Variants in ASCC3 observed in about 807,000 individuals in gnomAD.
The protein encoded by ASCC3 is ASC-1 complex subunit P200.
A neutral mutation model predicts 256.3 loss-of-function variants in ASCC3; 158 were observed. The ratio of observed to expected loss-of-function variants is 0.62; its 90% CI spans 0.54 to 0.70. The LOEUF is 0.70. Among genes scored for constraint, ASCC3 ranks in the 30% least tolerant of loss-of-function variants. The pLI is 0.00. For missense variants in ASCC3, 2,259 were observed against 2,626.0 expected, an observed-to-expected ratio of 0.86 and a Z score of 3.05; for synonymous variants, 948 against 883.4, an observed-to-expected ratio of 1.07 and a Z score of -1.30.
chr6:100,841,769 T>G (rs1345709992), intron 4 of ASCC3, among the ~76,000 whole-genome samples: 3 of 152,104 alleles, frequency 2.0e-5, no homozygotes, highest in African/African-American at 4.8e-5. Flanking sequence ...GCCTATGACT[T>G]TGTTGCCCCA....
intron 10 of ASCC3, among the ~76,000 whole-genome samples, chr6:100,761,642 T>C (rs1003143364): frequency 5.9e-5 from 9 of 152,162 alleles, no homozygotes; most frequent in Non-Finnish European, 2.9e-5. Context: ...AGTTTGGAGA[T>C]TATTGGCCCA....
intron 36 of ASCC3, among the ~76,000 whole-genome samples, chr6:100,585,288 C>A (rs1395431794): frequency 6.6e-6 from 1 of 152,070 alleles, no homozygotes; most frequent in Non-Finnish European, 1.5e-5. Context: ...TCTTTTTATT[C>A]TTTTTTCTCT....
intron 13 of ASCC3, among the ~76,000 whole-genome samples, chr6:100,697,904 G>C (rs1267533601): frequency 6.6e-6 from 1 of 152,046 alleles, no homozygotes; most frequent in Non-Finnish European, 1.5e-5. Context: ...TAGGTCTATG[G>C]CATGCACAAA....
chr6:100,538,853 G>A (rs1775295894), intron 37 of ASCC3, among the ~76,000 whole-genome samples: 1 of 151,654 alleles, frequency 6.6e-6, no homozygotes, highest in African/African-American at 2.4e-5. Flanking sequence ...TTTTAAAAAT[G>A]GGTTTTATGA....
At chr6:100,831,676 A>C (rs977803675) in intron 4 of ASCC3, among the ~76,000 whole-genome samples, 1 of 152,174 alleles carries the variant, frequency 6.6e-6, no homozygotes, top group Non-Finnish European at 1.5e-5. Flanking sequence ...AGGAATGTGA[A>C]GGGGGAAGCT....
chr6:100,799,329 T>C lies in ASCC3; in HGVS notation c.1269+102A>G. 5.5e-6 allele frequency: 7 copies of C among 1,281,724 alleles called. No individual in the cohort carries two copies. The South Asian group carries it at 8.8e-5, about 16-fold the overall frequency. The allele number at this position is 1,281,724 out of a possible 1,614,324, so 79.4% of individuals were successfully genotyped here. Reference sequence around the variant, plus strand: ...CAATACTTTAAAATAAAATTTAGCATAGTCAACTAGTGTTAGACTCACGAA... The same window carrying C: ...CAATACTTTAAAATAAAATTTAGCACAGTCAACTAGTGTTAGACTCACGAA... On this transcript the variant is annotated intron_variant, in intron 7 of 41. Coordinates refer to ENST00000369162, the MANE Select transcript of ASCC3 (RefSeq NM_006828.4).
chr6:100,695,514 C>G (rs575379332), intron 13 of ASCC3, among the ~76,000 whole-genome samples: 2 of 152,122 alleles, frequency 1.3e-5, no homozygotes, highest in Admixed American at 1.3e-4. Flanking sequence ...AAGTGCTAAA[C>G]AGACAGAGAA....
rs1378297468 is a variant in ASCC3 at position 100,510,089 on chromosome 6, C to A, written c.6304G>T (p.Ala2102Ser). The change falls in exon 41 of 42, where the codon GCA (alanine) becomes TCA (serine). Residue 2102 changes from alanine (A) to serine (S), a missense_variant. Ala to Ser is a moderately conservative substitution (Grantham distance 99, BLOSUM62 1). Transcript: ENST00000369162. ...GATTTGGGAAATCGAGGAGTAACTG[C>A]ACAGCTCTCTGGCTTTCCCTGTAAA... ...GFHKGKPESC[A>S]VTPRFPKSKD... 3 of 1,614,026 alleles carry A rather than the reference C, an allele frequency of 1.9e-6. No homozygotes were observed. Among genetic ancestry groups the A allele is most frequent in the Admixed American group, 1.7e-5 (1 of 59,996 alleles).
At chr6:100,797,214 C>T (rs1200807502) in intron 8 of ASCC3, among the ~76,000 whole-genome samples, 6 of 151,902 alleles carry the variant, frequency 3.9e-5, no homozygotes, top group Non-Finnish European at 8.8e-5. Flanking sequence ...CTTTGGGAGG[C>T]CGAGGCGGGT....
chr6:100,852,394 A>T (rs1015950919), intron 3 of ASCC3, among the ~76,000 whole-genome samples: 6 of 152,198 alleles, frequency 3.9e-5, no homozygotes, highest in Non-Finnish European at 5.9e-5. Flanking sequence ...TAAAGTAGAA[A>T]GGTGTTAGTC....
rs1773616669 is a variant in ASCC3 at position 100,508,747 on chromosome 6, C to CTT, written c.*638_*639insAA. ...AGTCAGCTTGTCTTGAAGTGCCACT[C>CTT]TATATTTTATTTCCCAGTTAACCAT... On this transcript the variant is annotated 3_prime_UTR_variant, in exon 42 of 42. Coordinates refer to ENST00000369162, the MANE Select transcript of ASCC3 (RefSeq NM_006828.4). 6.6e-6 allele frequency: 1 copy of CTT among 152,224 alleles called. No individual in the cohort carries two copies. The highest frequency in any genetic ancestry group is 2.4e-5 in the African/African-American group (1 of 41,414). The allele number at this position is 152,224 out of a possible 1,614,324, so 9.4% of individuals were successfully genotyped here.
chr6:100,613,652 T>C (rs1446322686), intron 30 of ASCC3, among the ~76,000 whole-genome samples: 1 of 152,178 alleles, frequency 6.6e-6, no homozygotes. Context: ...AGTGCAGGTA[T>C]CTTTTTGATA....
chr6:100,633,105 G>A (rs115023628), intron 25 of ASCC3, among the ~76,000 whole-genome samples: 2,139 of 152,188 alleles, frequency 0.014, 40 homozygotes, highest in African/African-American at 0.049. Flanking sequence ...CCCTTTCCAC[G>A]CTTCCAATTA....
intron 4 of ASCC3, among the ~76,000 whole-genome samples, chr6:100,829,154 C>T (rs1163434388): frequency 6.6e-6 from 1 of 152,138 alleles, no homozygotes; most frequent in Non-Finnish European, 1.5e-5. Flanking sequence ...GACTCAGGAG[C>T]CCAACTGGAT....
chr6:100,594,919 T>C (rs187344416), intron 34 of ASCC3, among the ~76,000 whole-genome samples: 93 of 152,222 alleles, frequency 6.1e-4, no homozygotes, highest in African/African-American at 2.1e-3. Context: ...CTAGAGGGCA[T>C]TATGCCATTG....
intron 36 of ASCC3, among the ~76,000 whole-genome samples, chr6:100,557,863 G>A (rs904076981): frequency 2.6e-5 from 4 of 151,692 alleles, no homozygotes; most frequent in Admixed American, 1.3e-4. Context: ...TGGATTATTT[G>A]TAACACATAA....
chr6:100,716,706 A>G (rs1345316772), intron 12 of ASCC3, among the ~76,000 whole-genome samples: 1 of 151,940 alleles, frequency 6.6e-6, no homozygotes, highest in East Asian at 1.9e-4. Context: ...TAACACTCAC[A>G]TCATTCTCCC....
intron 10 of ASCC3, among the ~76,000 whole-genome samples, chr6:100,726,124 C>G (rs916761659): frequency 2.0e-5 from 3 of 151,552 alleles, no homozygotes; most frequent in Non-Finnish European, 3.0e-5. Context: ...TTCACTCTAC[C>G]GATAATCTAC....
intron 4 of ASCC3, among the ~76,000 whole-genome samples, chr6:100,833,387 A>C (rs368700455): frequency 1.3e-5 from 2 of 152,216 alleles, no homozygotes; most frequent in East Asian, 3.8e-4. Context: ...GATACATACC[A>C]GTATACATTT....
Sources: allele counts gnomAD v4.1 joint callset (sites outside exome capture counted in the v4.1 genomes callset), GRCh38; gene constraint gnomAD v4.1.1; transcripts MANE v1.5; gene names NCBI Gene and HGNC (gene_info 2026-07-23, HGNC 2026-07-21).